UGGT2: variants seen among roughly 807,000 people sequenced by gnomAD.
The protein encoded by UGGT2 is UDP-glucose glycoprotein glucosyltransferase 2, also known as UDP-glucose:glycoprotein glucosyltransferase 2.
A neutral mutation model predicts 192.1 loss-of-function variants in UGGT2; 180 were observed. That is an observed-to-expected ratio of 0.94 (90% CI 0.83 to 1.06). The LOEUF is 1.06. Ranked by LOEUF, UGGT2 falls within the 50% of genes least tolerant of loss-of-function variation. The pLI is 0.00. For missense variants in UGGT2, 1,849 were observed against 1,795.7 expected, an observed-to-expected ratio of 1.03 and a Z score of -0.54; for synonymous variants, 580 against 591.0, an observed-to-expected ratio of 0.98 and a Z score of 0.27.
At chr13:95,820,802 C>T (rs993440183) in intron 38 of UGGT2, among the ~76,000 whole-genome samples, 3 of 151,920 alleles carry the variant, frequency 2.0e-5, no homozygotes, top group Non-Finnish European at 4.4e-5. Flanking sequence ...TATCACTGTA[C>T]ATCTTTGTGT....
intron 12 of UGGT2, among the ~76,000 whole-genome samples, chr13:95,956,826 GTA>G (rs1566753814): frequency 6.6e-6 from 1 of 152,168 alleles, no homozygotes; most frequent in East Asian, 1.9e-4. Context: ...CTACTTCTAG[GTA>G]TATACCCACA....
intron 15 of UGGT2, among the ~76,000 whole-genome samples, chr13:95,940,455 C>CTTT (rs1231173934): frequency 1.4e-4 from 17 of 125,350 alleles, no homozygotes; most frequent in African/African-American, 2.1e-4. Context: ...TTTTCTTTTT[C>CTTT]TTTTTTTTTT....
At chr13:96,027,069 G>A (rs936395159) in intron 2 of UGGT2, among the ~76,000 whole-genome samples, 2 of 152,058 alleles carry the variant, frequency 1.3e-5, no homozygotes, top group Non-Finnish European at 2.9e-5. Context: ...AATAAGATTC[G>A]TGTTCAACAG....
At chr13:95,973,738 T>A (rs541404367) in intron 10 of UGGT2, among the ~76,000 whole-genome samples, 1 of 152,332 alleles carries the variant, frequency 6.6e-6, no homozygotes, top group East Asian at 1.9e-4. Flanking sequence ...GTGAAGATCA[T>A]GCTTGGTTTA....
At chr13:95,866,497 C>T (rs148011911) in intron 30 of UGGT2, among the ~76,000 whole-genome samples, 74 of 152,258 alleles carry the variant, frequency 4.9e-4, no homozygotes, top group African/African-American at 1.7e-3. Context: ...CCGCTATATC[C>T]TATCCATCTG....
chr13:95,987,090 A>G (rs1479498349), intron 8 of UGGT2, among the ~76,000 whole-genome samples: 1 of 152,080 alleles, frequency 6.6e-6, no homozygotes, highest in East Asian at 1.9e-4. Context: ...TTTCTCCTTT[A>G]GCTTAAGGAC....
At chr13:95,844,241 C>T (rs182855526) in intron 36 of UGGT2, among the ~76,000 whole-genome samples, 8 of 152,262 alleles carry the variant, frequency 5.3e-5, no homozygotes, top group East Asian at 1.9e-4. Flanking sequence ...GGATTACAGG[C>T]GTGAGCCACC....
In UGGT2 at chr13:96,031,949, T is replaced by C. The variant is rs367679687; in HGVS notation, c.181A>G (p.Asn61Asp). The change falls in exon 2 of 39, where the codon AAT becomes GAT. Residue 61 changes from asparagine to aspartate, a missense_variant. Asn to Asp is a conservative substitution (Grantham distance 23). Transcript: ENST00000376747. ...TCCAAAAACTGCCAAAATTTTTCAT[T>C]ACTTTCTTCTGCCATAAATTCACTA... ...EASEFMAEES[N>D]EKFWQFLETV... 2.5e-5 allele frequency: 40 copies of C among 1,610,716 alleles called. No individual in the cohort carries two copies. The Middle Eastern group carries it at 2.1e-3, about 87-fold the overall frequency.
At chr13:95,984,553 C>T (rs774123971) in intron 9 of UGGT2, among the ~76,000 whole-genome samples, 2 of 152,060 alleles carry the variant, frequency 1.3e-5, no homozygotes, top group Non-Finnish European at 2.9e-5. Context: ...TGGTCTAAAA[C>T]TCCTGGCCTC....
chr13:96,014,582 A>G (rs114099581), intron 4 of UGGT2, among the ~76,000 whole-genome samples: 1,720 of 152,300 alleles, frequency 0.011, 30 homozygotes, highest in African/African-American at 0.04. Flanking sequence ...GGACAGCTGA[A>G]GCATAAAGTA....
chr13:96,014,429 C>A (rs572758912), intron 4 of UGGT2, among the ~76,000 whole-genome samples: 1 of 152,182 alleles, frequency 6.6e-6, no homozygotes, highest in Non-Finnish European at 1.5e-5. Flanking sequence ...TACTTACTGA[C>A]TCAACATATT....
At chr13:95,828,261 C>T (rs978435695) in intron 38 of UGGT2, among the ~76,000 whole-genome samples, 24 of 152,200 alleles carry the variant, frequency 1.6e-4, no homozygotes, top group African/African-American at 5.1e-4. Context: ...ATGAAAAGAA[C>T]AAGCTAAGCA....
intron 20 of UGGT2, among the ~76,000 whole-genome samples, chr13:95,910,763 AC>A (rs2048467185): frequency 6.6e-6 from 1 of 152,092 alleles, no homozygotes; most frequent in South Asian, 2.1e-4. Context: ...AGAACTCTCC[AC>A]CCCAAATCAA....
intron 12 of UGGT2, among the ~76,000 whole-genome samples, chr13:95,954,565 T>C (rs2050159035): frequency 6.6e-6 from 1 of 152,210 alleles, no homozygotes; most frequent in South Asian, 2.1e-4. Flanking sequence ...CCACTACTGC[T>C]TATCTTAAAA....
intron 20 of UGGT2, among the ~76,000 whole-genome samples, chr13:95,914,047 C>T (rs2048594573): frequency 6.6e-6 from 1 of 152,014 alleles, no homozygotes; most frequent in African/African-American, 2.4e-5. Context: ...ATCAATTGGA[C>T]ACAGGGCCTT....
rs763895939 is a variant in UGGT2 at position 95,877,337 on chromosome 13, C to G, written c.3415G>C (p.Gly1139Arg). The G allele has an allele frequency of 2.5e-6, 4 of 1,606,674 alleles. No homozygotes were observed. Among genetic ancestry groups the G allele is most frequent in the Non-Finnish European group, 3.4e-6 (4 of 1,177,558 alleles). Reference protein sequence around the residue: ...HGYFQLKANPGAWILRLHQGK... With the variant: ...HGYFQLKANPRAWILRLHQGK... ...TGGTGTAACCTCAGTATCCAAGCAC[C>G]TGGGTTTGCTTTTAATTGAAAATAC... The change falls in exon 29 of 39, where the codon GGT becomes CGT. Residue 1139 changes from glycine (G) to arginine (R), a missense_variant. Physicochemically the swap from Gly to Arg is moderately radical, Grantham distance 125. Coordinates refer to ENST00000376747, the MANE Select transcript of UGGT2 (RefSeq NM_020121.4).
At chr13:96,006,655 G>A (rs2051989575) in intron 5 of UGGT2, among the ~76,000 whole-genome samples, 1 of 148,378 alleles carries the variant, frequency 6.7e-6, no homozygotes, top group African/African-American at 2.5e-5. Context: ...AAAAGAATTG[G>A]TTAACTCCAA....
chr13:95,855,342 C>A (rs3125437), intron 34 of UGGT2, among the ~76,000 whole-genome samples: 147,786 of 152,040 alleles, frequency 0.97, 71,976 homozygotes, highest in East Asian at 1. Flanking sequence ...TATCCATTTA[C>A]TTTATATTTT....
chr13:95,840,349 GA>G (rs1360791386), intron 36 of UGGT2, among the ~76,000 whole-genome samples: 7 of 151,550 alleles, frequency 4.6e-5, no homozygotes, highest in African/African-American at 1.5e-4. Flanking sequence ...AAATTTACAA[GA>G]AAAAAAACAA....
Sources: gnomAD v4.1 joint callset for allele counts (sites outside exome capture counted in the v4.1 genomes callset) on GRCh38, gnomAD v4.1.1 for gene constraint, MANE v1.5 for transcripts, NCBI Gene and HGNC (gene_info 2026-07-23, HGNC 2026-07-21) for gene names.